Variants in TMED3 observed in about 807,000 individuals in gnomAD.
TMED3 encodes the protein transmembrane p24 trafficking protein 3.
A neutral mutation model predicts 15.0 loss-of-function variants in TMED3; 9 were observed. That is an observed-to-expected ratio of 0.60 (90% confidence interval 0.36 to 1.04). The LOEUF is 1.04. Ranked by LOEUF, TMED3 falls within the 50% of genes least tolerant of loss-of-function variation. The pLI is 0.01. For synonymous variants in TMED3, 117 were observed against 121.4 expected (o/e 0.96, Z 0.24); for missense variants, 267 against 278.9 (o/e 0.96, Z 0.30).
At chr15:79,352,293 C>T (rs1199321845) in intron 2 of TMED3, among the ~76,000 whole-genome samples, 2 of 152,188 alleles carry the variant, frequency 1.3e-5, no homozygotes, top group Non-Finnish European at 2.9e-5. Flanking sequence ...GACCTGGCTT[C>T]ATCCCCAGAA....
intron 2 of TMED3, among the ~76,000 whole-genome samples, chr15:79,397,492 C>G (rs1893776421): frequency 6.6e-6 from 1 of 152,124 alleles, no homozygotes; most frequent in African/African-American, 2.4e-5. Context: ...CTGGTCAGCC[C>G]TAGGACTCAA....
Position 79,322,294 on chromosome 15 carries a change from C to T in TMED3, c.*80C>T, listed in dbSNP as rs1166586714. On this transcript the variant is annotated 3_prime_UTR_variant, in exon 3 of 3. Transcript: ENST00000299705. ...GGTCACAGCCTGCTGGGCTGGGTCG[C>T]GTAGCCCAGGGTGGAGGCAGAACGA... 9 of 1,540,024 alleles carry T rather than the reference C, an allele frequency of 5.8e-6. No individual in the cohort carries two copies. Among genetic ancestry groups the T allele is most frequent in the African/African-American group, 5.5e-5 (4 of 72,830 alleles).
At chr15:79,396,346 C>T (rs1156476091) in intron 2 of TMED3, among the ~76,000 whole-genome samples, 1 of 152,170 alleles carries the variant, frequency 6.6e-6, no homozygotes, top group Non-Finnish European at 1.5e-5. Context: ...CTTGTCATGA[C>T]TCCACTATGT....
chr15:79,347,486 C>T (rs1394485593), intron 2 of TMED3, among the ~76,000 whole-genome samples: 1 of 152,150 alleles, frequency 6.6e-6, no homozygotes, highest in Non-Finnish European at 1.5e-5. Context: ...CGAGGCTGCC[C>T]TCTGTCACCA....
chr15:79,352,937 T>TAA (rs1447612003), intron 2 of TMED3, among the ~76,000 whole-genome samples: 3 of 100,024 alleles, frequency 3.0e-5, no homozygotes, highest in Non-Finnish European at 5.7e-5. Flanking sequence ...ATAATATATA[T>TAA]ACATATATAA....
intron 2 of TMED3, among the ~76,000 whole-genome samples, chr15:79,334,171 A>T (rs2058819429): frequency 6.6e-6 from 1 of 152,180 alleles, no homozygotes; most frequent in African/African-American, 2.4e-5. Flanking sequence ...AAATCAACCC[A>T]AGCAAATAAG....
chr15:79,320,585 G>A (rs1428019812), intron 2 of TMED3, among the ~76,000 whole-genome samples: 1 of 152,158 alleles, frequency 6.6e-6, no homozygotes, highest in Non-Finnish European at 1.5e-5. Context: ...GGGAACTGAA[G>A]TGAGTGTCTG....
downstream of TMED3, among the ~76,000 whole-genome samples, chr15:79,324,115 C>T (rs1386386264): frequency 6.6e-6 from 1 of 152,170 alleles, no homozygotes; most frequent in East Asian, 1.9e-4. Context: ...TTCAGCCTCC[C>T]AAGTAGCTGG....
At chr15:79,393,981 G>A (rs959477331) in intron 2 of TMED3, among the ~76,000 whole-genome samples, 3 of 133,860 alleles carry the variant, frequency 2.2e-5, no homozygotes, top group Non-Finnish European at 5.4e-5. Context: ...ACATGCATGA[G>A]ACACAGTGCC....
intron 2 of TMED3, among the ~76,000 whole-genome samples, chr15:79,374,959 T>G (rs1293217303): frequency 6.6e-6 from 1 of 152,198 alleles, no homozygotes; most frequent in Non-Finnish European, 1.5e-5. Flanking sequence ...AGCAGATACA[T>G]GAAGGTCTTT....
intron 2 of TMED3, chr15:79,383,308 T>C (rs1387936091): frequency 7.3e-6 from 3 of 410,474 alleles, no homozygotes; most frequent in African/African-American, 6.0e-5. Flanking sequence ...TATTTGATCC[T>C]TTGTGCCCTT....
At chr15:79,388,218 G>A (rs369794820) in intron 2 of TMED3, among the ~76,000 whole-genome samples, 18 of 152,096 alleles carry the variant, frequency 1.2e-4, no homozygotes, top group African/African-American at 3.6e-4. Flanking sequence ...TGATGTTTTC[G>A]GTAGCCTTTT....
intron 2 of TMED3, among the ~76,000 whole-genome samples, chr15:79,320,837 T>C (rs76829452): frequency 0.083 from 12,613 of 152,250 alleles, 548 homozygotes; most frequent in Admixed American, 0.12. Context: ...CCAGATTCTT[T>C]GGGGTCTCCC....
In TMED3 at chr15:79,322,534, C is replaced by A; in HGVS notation, c.*320C>A. 8.5e-7 allele frequency: 1 copy of A among 1,171,230 alleles called. No individual in the cohort carries two copies. The allele number at this position is 1,171,230 out of a possible 1,614,324, so 72.6% of individuals were successfully genotyped here. ...GCTGTTGGCAGGAACTCCAAGTGCC[C>A]AGGCCTCTTGGGCAGCTTAGGGCCC... On this transcript the variant is annotated 3_prime_UTR_variant, in exon 3 of 3. Transcript: ENST00000299705.
At chr15:79,375,740 G>T (rs1219996834) in intron 2 of TMED3, among the ~76,000 whole-genome samples, 7 of 152,080 alleles carry the variant, frequency 4.6e-5, no homozygotes, top group Non-Finnish European at 1.0e-4. Flanking sequence ...AACTCCATCC[G>T]CATGAGCCAG....
chr15:79,347,664 A>G (rs2058875857), intron 2 of TMED3, among the ~76,000 whole-genome samples: 1 of 152,196 alleles, frequency 6.6e-6, no homozygotes, highest in Non-Finnish European at 1.5e-5. Flanking sequence ...CCCTTATACT[A>G]ATAAAGAACT....
chr15:79,353,313 A>G (rs186296510), intron 2 of TMED3, among the ~76,000 whole-genome samples: 1 of 51,770 alleles, frequency 1.9e-5, no homozygotes, highest in Non-Finnish European at 4.5e-5. Context: ...TATATTATAT[A>G]TATAATATAT....
At chr15:79,354,267 G>C (rs1277149041) in intron 2 of TMED3, among the ~76,000 whole-genome samples, 1 of 152,122 alleles carries the variant, frequency 6.6e-6, no homozygotes, top group Non-Finnish European at 1.5e-5. Context: ...GAGGAGGGGA[G>C]TATGGAGGGC....
intron 1 of TMED3, 52 bp from the exon 2 acceptor site, chr15:79,313,705 T>G: frequency 1.3e-6 from 2 of 1,576,730 alleles, no homozygotes; most frequent in Non-Finnish European, 8.6e-7. Context: ...GGTTGGCATT[T>G]GGTAAGTGGT....
Sources: allele counts gnomAD v4.1 joint callset (sites outside exome capture counted in the v4.1 genomes callset), GRCh38; gene constraint gnomAD v4.1.1; transcripts MANE v1.5; gene names NCBI Gene and HGNC (gene_info 2026-07-23, HGNC 2026-07-21).